Variants in CTNND1 observed in about 807,000 individuals in gnomAD.
CTNND1 encodes catenin delta-1.
Under a neutral mutation model 112.1 loss-of-function variants are expected in CTNND1, and 16 were observed. The ratio of observed to expected loss-of-function variants is 0.14; its 90% CI spans 0.10 to 0.22. The LOEUF (loss-of-function observed/expected upper bound fraction) is 0.22, where lower values mean the gene tolerates loss of function less well. Ranked by LOEUF, CTNND1 falls within the 10% of genes least tolerant of loss-of-function variation. The probability of loss-of-function intolerance (pLI) is 1.00; values close to 1 mark genes in which losing one functional copy is unlikely to be tolerated. For synonymous variants in CTNND1, 420 were observed against 446.5 expected, an observed-to-expected ratio of 0.94 and a Z score of 0.75; for missense variants, 1,008 against 1,257.0, an observed-to-expected ratio of 0.80 and a Z score of 3.00.
intron 15 of CTNND1, 86 bp from the exon 16 acceptor site, chr11:57,810,023 A>G (rs1216123028): frequency 9.4e-6 from 9 of 961,750 alleles, no homozygotes; most frequent in Non-Finnish European, 1.3e-5. Flanking sequence ...TGGCATTTAT[A>G]TTCTTATGTT....
Position 57,804,917 on chromosome 11 carries a change from G to T in CTNND1, c.1722+137G>T, listed in dbSNP as rs556718490. The T allele has an allele frequency of 1.7e-4, 110 of 643,084 alleles. No individual in the cohort carries two copies. The African/African-American group carries it at 1.9e-3, about 11-fold the overall frequency. The allele number at this position is 643,084 out of a possible 1,614,324, so 39.8% of individuals were successfully genotyped here. On this transcript the variant is annotated intron_variant, in intron 9 of 20. Coordinates refer to ENST00000399050, the MANE Select transcript of CTNND1 (RefSeq NM_001085458.2). ...ATACTGTCCCCTACCCCTTATTTTT[G>T]AGACAGAGTCTTGCTCTGTTGCCCA...
Position 57,808,071 on chromosome 11 carries a change from TC to T in CTNND1, c.1964-93del, listed in dbSNP as rs2062930211. The T allele has an allele frequency of 1.5e-6, 2 of 1,360,296 alleles. 1 individual carries two copies. Among genetic ancestry groups the T allele is most frequent in the Non-Finnish European group, 2.0e-6 (2 of 1,002,818 alleles). The allele number at this position is 1,360,296 out of a possible 1,614,324, so 84.3% of individuals were successfully genotyped here. A position where few individuals can be genotyped will look rare whatever the true frequency, so the allele number is the denominator to read the frequency against. ...CTGATGGTATAGAAGCATAAATCCATCAACTGAGAGTACTAAGGCTGGACTC... is the reference window on the plus strand; with the variant it reads ...CTGATGGTATAGAAGCATAAATCCATAACTGAGAGTACTAAGGCTGGACTC... On this transcript the variant is annotated intron_variant, in intron 12 of 20. Coordinates refer to ENST00000399050, the MANE Select transcript of CTNND1 (RefSeq NM_001085458.2).
chr11:57,788,044 A>AT lies in CTNND1; in HGVS notation c.-213-991dup, dbSNP rs959657364. Among the ~76,000 whole-genome samples the AT allele has an allele frequency of 1.9e-4, 29 of 152,302 alleles. No individual in the cohort carries two copies. Among genetic ancestry groups the AT allele is most frequent in the African/African-American group, 6.7e-4 (28 of 41,566 alleles). ...ATTTGGGCTTTTATTAGCAAAGAAG[A>AT]TTATAGGGTGGATGCTGCTGGAGTG... On this transcript the variant is annotated intron_variant, in intron 1 of 20. Transcript: ENST00000399050. The surrounding 1 kb of genome is among the most constrained non-coding windows in gnomAD (Gnocchi z 4.1).
chr11:57,775,426 A>T (rs959152559), intron 1 of CTNND1, among the ~76,000 whole-genome samples: 7 of 151,870 alleles, frequency 4.6e-5, no homozygotes, highest in African/African-American at 1.7e-4. Flanking sequence ...GAAGGTCGTT[A>T]ATTTGAAGTG....
chr11:57,791,811 G>T (rs1196128166), intron 3 of CTNND1, 138 bp downstream of exon 3: 38 of 928,622 alleles, frequency 4.1e-5, no homozygotes, highest in Non-Finnish European at 5.6e-5. Flanking sequence ...TTTTCCAGGG[G>T]TGTTAAATGC....
At position 57,805,923 on chromosome 11, in the gene CTNND1, T is replaced by C; in HGVS notation, c.1764T>C (p.Tyr588=). 1 of 1,613,848 alleles carries C rather than the reference T, an allele frequency of 6.2e-7. No homozygotes were observed. Among genetic ancestry groups the C allele is most frequent in the Non-Finnish European group, 8.5e-7 (1 of 1,179,812 alleles). The part of the protein sequence containing the change: ...NCVCLLRNLS[Y]QVHREIPQAE... ...TTTGCCTTCTTCGGAACTTATCATA[T>C]CAAGTTCACCGGGAGATCCCACAGG... Residue 588 remains tyrosine, a synonymous_variant, in exon 10 of 21, where the codon TAT becomes TAC. Coordinates refer to ENST00000399050, the MANE Select transcript of CTNND1 (RefSeq NM_001085458.2).
Position 57,761,986 on chromosome 11 carries a change from A to C in CTNND1, c.-347A>C. On this transcript the variant is annotated 5_prime_UTR_variant, in exon 1 of 21. Transcript: ENST00000399050. ...CCCTGCTGGATTTGTCTTTCTCAGC[A>C]CCTTGGCGAAGCCTTGGGTTTCTTT... is the stretch of plus-strand genomic sequence containing the variant. 1 of 985,440 alleles carries C rather than the reference A, an allele frequency of 1.0e-6. No homozygotes were observed. The highest frequency in any genetic ancestry group is 1.2e-6 in the Non-Finnish European group (1 of 829,936). 61.0% of individuals were successfully genotyped at this position (985,440 alleles called of 1,614,324 possible). A position where few individuals can be genotyped will look rare whatever the true frequency, so the allele number is the denominator to read the frequency against.
chr11:57,772,976 A>AT (rs890697217), intron 1 of CTNND1, among the ~76,000 whole-genome samples: 3 of 152,132 alleles, frequency 2.0e-5, no homozygotes, highest in African/African-American at 7.2e-5. Context: ...GTTACTTAAT[A>AT]TTAGGGATGC....
At chr11:57,769,687 G>A (rs375389202) in intron 1 of CTNND1, among the ~76,000 whole-genome samples, 6 of 150,904 alleles carry the variant, frequency 4.0e-5, no homozygotes, top group Non-Finnish European at 5.9e-5. Flanking sequence ...CTTCATGGGC[G>A]TTGCTTTGCC....
At position 57,796,752 on chromosome 11, in the gene CTNND1, A is replaced by G. The variant is rs373579915; in HGVS notation, c.716A>G (p.Glu239Gly). Residue 239 changes from glutamate to glycine, a missense_variant, in exon 6 of 21, where the codon GAG becomes GGG. Coordinates refer to ENST00000399050, the MANE Select transcript of CTNND1 (RefSeq NM_001085458.2). ...GSLSRVTRIEERYRPSMEGYR... is the reference protein window; with the variant it reads ...GSLSRVTRIEGRYRPSMEGYR... ...CTGTCCCGGGTGACCCGCATTGAGG[A>G]GCGGTATAGGCCCAGCATGGAAGGC... The G allele has an allele frequency of 1.2e-5, 20 of 1,613,568 alleles. No individual in the cohort carries two copies. In the African/African-American group the frequency reaches 2.5e-4, roughly 20 times the overall value.
At chr11:57,765,913 G>A (rs1417627459) in intron 1 of CTNND1, among the ~76,000 whole-genome samples, 1 of 152,198 alleles carries the variant, frequency 6.6e-6, no homozygotes, top group African/African-American at 2.4e-5. Context: ...GCTCACGCCT[G>A]TGATCCCGGC....
chr11:57,809,377 C>T lies in CTNND1; in HGVS notation c.2346C>T (p.Ile782=), dbSNP rs2063068021. ...CTGTCATCTCTATTTTGAACACTAT[C>T]AACGAGGTTATCGCTGAGAACTTGG... ...EDTVISILNT[I]NEVIAENLEA... Residue 782 remains isoleucine, a synonymous_variant, in exon 15 of 21, where the codon ATC becomes ATT. Coordinates refer to ENST00000399050, the MANE Select transcript of CTNND1 (RefSeq NM_001085458.2). 1 of 1,614,028 alleles carries T rather than the reference C, an allele frequency of 6.2e-7. No individual in the cohort carries two copies. Among genetic ancestry groups the T allele is most frequent in the Non-Finnish European group, 8.5e-7 (1 of 1,179,886 alleles).
At chr11:57,778,544 T>C (rs2059247278) in intron 1 of CTNND1, among the ~76,000 whole-genome samples, 1 of 152,212 alleles carries the variant, frequency 6.6e-6, no homozygotes, top group African/African-American at 2.4e-5. Context: ...TTCTGCTGAT[T>C]CTTAAAGGCC....
At chr11:57,815,105 T>G (rs947902776) in intron 18 of CTNND1, among the ~76,000 whole-genome samples, 4 of 152,116 alleles carry the variant, frequency 2.6e-5, no homozygotes, top group African/African-American at 9.7e-5. Flanking sequence ...TTCTTATATT[T>G]TTAGTAGAGA....
intron 1 of CTNND1, among the ~76,000 whole-genome samples, chr11:57,770,109 C>T (rs1389472426): frequency 6.6e-6 from 1 of 151,778 alleles, no homozygotes; most frequent in East Asian, 1.9e-4. Context: ...GCAGGTGGTT[C>T]ACCTGAGGTC....
chr11:57,797,572 G>A (rs953703848), intron 6 of CTNND1, among the ~76,000 whole-genome samples: 2 of 137,068 alleles, frequency 1.5e-5, no homozygotes, highest in Non-Finnish European at 3.1e-5. Flanking sequence ...GCCAGGCGCG[G>A]TGGCTCACGC....
intron 2 of CTNND1, among the ~76,000 whole-genome samples, chr11:57,789,442 G>A (rs1404247521): frequency 6.6e-6 from 1 of 152,092 alleles, no homozygotes; most frequent in Non-Finnish European, 1.5e-5. Flanking sequence ...TTATATAATG[G>A]TATGGAGAAC....
intron 3 of CTNND1, among the ~76,000 whole-genome samples, chr11:57,792,086 AG>A (rs1312842099): frequency 6.6e-6 from 1 of 152,152 alleles, no homozygotes; most frequent in Non-Finnish European, 1.5e-5. Flanking sequence ...AGTCTCCCTG[AG>A]GGAACAGTCT....
intron 14 of CTNND1, 36 bp from the exon 15 acceptor site, chr11:57,809,238 T>C: frequency 1.3e-6 from 2 of 1,530,124 alleles, no homozygotes. Context: ...TGACCTGACT[T>C]GATCTTTTCT....
Sources: allele counts gnomAD v4.1 joint callset (sites outside exome capture counted in the v4.1 genomes callset), GRCh38; gene constraint gnomAD v4.1.1; non-coding constraint Gnocchi (gnomAD v3.1); transcripts MANE v1.5; gene names NCBI Gene and HGNC (gene_info 2026-07-23, HGNC 2026-07-21).